EYA1: variants seen among roughly 807,000 people sequenced by gnomAD.
EYA1 encodes the protein protein phosphatase EYA1.
Under a neutral mutation model 82.0 loss-of-function variants are expected in EYA1, and 16 were observed. That is an observed-to-expected ratio of 0.20 (90% CI 0.13 to 0.30). The LOEUF (loss-of-function observed/expected upper bound fraction) is 0.30. Ranked by LOEUF, EYA1 falls within the 10% of genes least tolerant of loss-of-function variation. EYA1 has a pLI of 1.00. For synonymous variants in EYA1, 261 were observed against 264.4 expected (o/e 0.99, Z 0.12); for missense variants, 633 against 730.7 (o/e 0.87, Z 1.54).
At chr8:71,388,631 C>T (rs1040054050) in intron 2 of EYA1, among the ~76,000 whole-genome samples, 86 of 152,086 alleles carry the variant, frequency 5.7e-4, no homozygotes, top group African/African-American at 2.0e-3. Context: ...CCATATTATT[C>T]CATCTTCTAA....
chr8:71,273,140 T>G (rs914058263), intron 9 of EYA1, among the ~76,000 whole-genome samples: 5 of 152,186 alleles, frequency 3.3e-5, no homozygotes, highest in African/African-American at 1.2e-4. Context: ...GCTCTATACC[T>G]CTTATTTAAC....
chr8:71,419,722 A>C (rs1831042448), intron 2 of EYA1, among the ~76,000 whole-genome samples: 1 of 152,088 alleles, frequency 6.6e-6, no homozygotes, highest in Non-Finnish European at 1.5e-5. Flanking sequence ...TAACATTTTA[A>C]TATAGGATTG....
intron 2 of EYA1, among the ~76,000 whole-genome samples, chr8:71,491,182 C>T (rs142095116): frequency 3.0e-3 from 463 of 152,200 alleles, no homozygotes; most frequent in African/African-American, 0.011. Flanking sequence ...CCATAGGGCT[C>T]GAACTCAGGA....
At chr8:71,223,644 G>A (rs1810218575) in intron 12 of EYA1, among the ~76,000 whole-genome samples, 1 of 152,172 alleles carries the variant, frequency 6.6e-6, no homozygotes. Flanking sequence ...ATTCGCTCTT[G>A]GAACTCTGGT....
rs35731168 is a variant in EYA1, at chr8:71,265,017, T to C, written c.1050+4723A>G. 8.2e-3 allele frequency among the ~76,000 whole-genome samples: 1,256 copies of C among 152,324 alleles called. 6 individuals are homozygous for C. The highest frequency in any genetic ancestry group is 0.012 in the Non-Finnish European group (807 of 68,026). On this transcript the variant is annotated intron_variant, in intron 11 of 17. Coordinates refer to ENST00000340726, the MANE Select transcript of EYA1 (RefSeq NM_000503.6). ...AGAGGTGAAAAGTCAGAGCTTGGAT[T>C]TGAGTCTAGATCTACTTGAATTCAA...
chr8:71,481,999 T>C (rs1220291489), intron 2 of EYA1, among the ~76,000 whole-genome samples: 1 of 152,148 alleles, frequency 6.6e-6, no homozygotes, highest in Non-Finnish European at 1.5e-5. Context: ...AGTCTCTTTA[T>C]CAGGACACAT....
chr8:71,385,902 A>G (rs1429742612), intron 2 of EYA1, among the ~76,000 whole-genome samples: 3 of 152,144 alleles, frequency 2.0e-5, no homozygotes, highest in African/African-American at 7.2e-5. Context: ...CAAAGCCATG[A>G]GTGGTGTGGT....
At chr8:71,246,164 CTATTAA>C (rs1377588641) in intron 11 of EYA1, among the ~76,000 whole-genome samples, 1 of 152,186 alleles carries the variant, frequency 6.6e-6, no homozygotes, top group African/African-American at 2.4e-5. Flanking sequence ...TATTGGCATT[CTATTAA>C]TAATACCAAC....
intron 2 of EYA1, chr8:71,404,148 T>C (rs987681965): frequency 1.3e-5 from 2 of 152,194 alleles, no homozygotes; most frequent in Non-Finnish European, 2.9e-5. Context: ...TAGGAGTATT[T>C]TGTGTTTAAG....
chr8:71,515,440 G>C (rs1015013436), intron 2 of EYA1, among the ~76,000 whole-genome samples: 1 of 151,808 alleles, frequency 6.6e-6, no homozygotes, highest in African/African-American at 2.4e-5. Context: ...AAAGCATTCA[G>C]TTAACCACAA....
intron 11 of EYA1, among the ~76,000 whole-genome samples, chr8:71,266,041 C>T (rs1246194686): frequency 6.6e-6 from 1 of 152,158 alleles, no homozygotes; most frequent in Admixed American, 6.5e-5. Flanking sequence ...TGTAACATGC[C>T]CTAATTTTGC....
chr8:71,324,330 G>C (rs913787580), intron 4 of EYA1, among the ~76,000 whole-genome samples: 5 of 152,176 alleles, frequency 3.3e-5, no homozygotes, highest in Non-Finnish European at 7.3e-5. Flanking sequence ...GCTGCAGAAC[G>C]TGGGAATTAA....
At chr8:71,495,412 G>A (rs1330831863) in intron 2 of EYA1, among the ~76,000 whole-genome samples, 2 of 152,064 alleles carry the variant, frequency 1.3e-5, no homozygotes, top group African/African-American at 2.4e-5. Flanking sequence ...TCAGGAGTTC[G>A]AGACCAACCT....
intron 2 of EYA1, among the ~76,000 whole-genome samples, chr8:71,382,202 C>A (rs2129101221): frequency 6.6e-6 from 1 of 151,976 alleles, no homozygotes; most frequent in South Asian, 2.1e-4. Flanking sequence ...GAAATTAAAA[C>A]CAGATGAAAG....
chr8:71,516,652 T>C (rs759434688), intron 2 of EYA1, among the ~76,000 whole-genome samples: 3 of 152,150 alleles, frequency 2.0e-5, no homozygotes, highest in Admixed American at 6.6e-5. Context: ...GCCTATAATG[T>C]TGTGCTCTCT....
At chr8:71,252,029 G>A (rs1234741636) in intron 11 of EYA1, among the ~76,000 whole-genome samples, 1 of 152,014 alleles carries the variant, frequency 6.6e-6, no homozygotes, top group African/African-American at 2.4e-5. Flanking sequence ...TAAAAGAAAA[G>A]GGTATATAAA....
At position 71,298,953 on chromosome 8, in the gene EYA1, T is replaced by C. The variant is rs992653919; in HGVS notation, c.826+94A>G. ...TAGTCCTTGCCAAAAGCTGCCAAAA[T>C]TGTGCAACCACTGCATGAATATATG... On this transcript the variant is annotated intron_variant, in intron 9 of 17. Transcript: ENST00000340726. 3 of 1,276,102 alleles carry C rather than the reference T, an allele frequency of 2.4e-6. No individual in the cohort carries two copies. In the Admixed American group the frequency reaches 5.4e-5, roughly 23 times the overall value. The allele number at this position is 1,276,102 out of a possible 1,614,324, so 79.0% of individuals were successfully genotyped here.
intron 11 of EYA1, among the ~76,000 whole-genome samples, chr8:71,266,285 C>T (rs1420470003): frequency 6.6e-6 from 1 of 152,186 alleles, no homozygotes; most frequent in Non-Finnish European, 1.5e-5. Flanking sequence ...AGTCTTGTCA[C>T]TGAACTCCTT....
At position 71,199,238 on chromosome 8, in the gene EYA1, A is replaced by C. The variant is rs139109847; in HGVS notation, c.*102T>G. The C allele has an allele frequency of 1.7e-3, 1,391 of 835,152 alleles. 13 individuals are homozygous for C. In the African/African-American group the frequency reaches 0.02, roughly 12 times the overall value. The allele number at this position is 835,152 out of a possible 1,614,324, so 51.7% of individuals were successfully genotyped here. On this transcript the variant is annotated 3_prime_UTR_variant, in exon 18 of 18. Transcript: ENST00000340726. ...ACAGCAACTGCGCATCACCAGGCGG[A>C]AATTGCTAAGTTCTGGAGGCCGGCG... is the stretch of plus-strand genomic sequence containing the variant.
Sources: allele counts gnomAD v4.1 joint callset (sites outside exome capture counted in the v4.1 genomes callset), GRCh38; gene constraint gnomAD v4.1.1; transcripts MANE v1.5; gene names NCBI Gene and HGNC (gene_info 2026-07-23, HGNC 2026-07-21).